Variants in ADCY7 observed in about 807,000 individuals in gnomAD.
ADCY7 encodes the protein adenylate cyclase type 7.
ADCY7 carries 72 observed loss-of-function variants against 120.6 expected under a neutral mutation model. The observed-to-expected ratio is 0.60, with a 90% CI of 0.49 to 0.73. The LOEUF (loss-of-function observed/expected upper bound fraction) is 0.73. Among genes scored for constraint, ADCY7 ranks in the 30% least tolerant of loss-of-function variants. ADCY7 has a pLI of 0.00. For missense variants in ADCY7, 1,227 were observed against 1,486.0 expected (o/e 0.83, Z 2.87); for synonymous variants, 661 against 628.0 (o/e 1.05, Z -0.78).
chr16:50,304,807 G>A (rs1425122831), intron 11 of ADCY7, 118 bp from the exon 12 acceptor site: 17 of 1,406,830 alleles, frequency 1.2e-5, no homozygotes, highest in East Asian at 9.2e-5. Flanking sequence ...TGGCTTGGAC[G>A]ACCCCGACAC....
At chr16:50,306,802 G>A (rs2036096184) in intron 14 of ADCY7, among the ~76,000 whole-genome samples, 1 of 152,174 alleles carries the variant, frequency 6.6e-6, no homozygotes, top group African/African-American at 2.4e-5. Context: ...ACATCACCTG[G>A]AACTGAAGGA....
At chr16:50,314,188 C>G in intron 23 of ADCY7, 104 bp from the exon 24 acceptor site, 2 of 1,421,242 alleles carry the variant, frequency 1.4e-6, no homozygotes, top group Non-Finnish European at 2.0e-6. Flanking sequence ...AGGGCTCAGC[C>G]AGGATTTTAG....
At chr16:50,252,726 T>A (rs1380482387) in intron 1 of ADCY7, among the ~76,000 whole-genome samples, 1 of 152,220 alleles carries the variant, frequency 6.6e-6, no homozygotes, top group Non-Finnish European at 1.5e-5. Flanking sequence ...CCTCCTGGGC[T>A]AAGGCTCTGG....
rs888175774 is a variant in ADCY7 at position 50,281,701 on chromosome 16, G to A, written c.-268-6211G>A. Reference sequence around the variant, plus strand: ...AGGTGCCTGGGAGAGCAGGGCATGGGGGCCACAGGGCTCTGGGGACAGAGA... The same window carrying A: ...AGGTGCCTGGGAGAGCAGGGCATGGAGGCCACAGGGCTCTGGGGACAGAGA... On this transcript the variant is annotated intron_variant, in intron 1 of 25. Transcript: ENST00000673801. Among the ~76,000 whole-genome samples the A allele has an allele frequency of 3.3e-5, 5 of 152,192 alleles. No individual in the cohort carries two copies. In the South Asian group the frequency reaches 8.3e-4, roughly 25 times the overall value.
intron 1 of ADCY7, among the ~76,000 whole-genome samples, chr16:50,274,742 C>G (rs761871515): frequency 6.6e-6 from 1 of 152,090 alleles, no homozygotes; most frequent in Non-Finnish European, 1.5e-5. Flanking sequence ...ATGGGTGGCA[C>G]GCTGAGCTCT....
intron 1 of ADCY7, among the ~76,000 whole-genome samples, chr16:50,280,957 C>T (rs1459373657): frequency 3.3e-5 from 5 of 152,082 alleles, no homozygotes; most frequent in African/African-American, 4.8e-5. Flanking sequence ...ACAAAGTCAG[C>T]CTGGGGGTGC....
intron 1 of ADCY7, among the ~76,000 whole-genome samples, chr16:50,279,006 G>A (rs930561020): frequency 2.0e-5 from 3 of 151,988 alleles, no homozygotes; most frequent in Non-Finnish European, 4.4e-5. Context: ...CGAGTAGCTG[G>A]GACTATAGGC....
At chr16:50,312,799 T>G in intron 21 of ADCY7, 91 bp from the exon 22 acceptor site, 28 of 1,173,338 alleles carry the variant, frequency 2.4e-5, no homozygotes, top group Non-Finnish European at 2.7e-5. Context: ...GGCTGGGCAG[T>G]TCAGCAGTGC....
At chr16:50,307,211 A>T in intron 15 of ADCY7, 64 bp downstream of exon 15, 5 of 1,500,128 alleles carry the variant, frequency 3.3e-6, no homozygotes, top group Non-Finnish European at 4.6e-6. Context: ...GGTGACTATG[A>T]ACCTGCAAGG....
intron 1 of ADCY7, among the ~76,000 whole-genome samples, chr16:50,277,024 C>T (rs2033939645): frequency 6.6e-6 from 1 of 152,204 alleles, no homozygotes; most frequent in African/African-American, 2.4e-5. Flanking sequence ...GATTTATCCA[C>T]TCTGTGAAAT....
At chr16:50,306,131 G>T (rs2036049714) in intron 14 of ADCY7, among the ~76,000 whole-genome samples, 1 of 152,258 alleles carries the variant, frequency 6.6e-6, no homozygotes, top group Admixed American at 6.5e-5. Context: ...AGCCTTAGCA[G>T]ATCCTGGCAT....
At chr16:50,246,134 T>C (rs1233599285), upstream of ADCY7, 1 of 149,224 alleles carries the variant, frequency 6.7e-6, no homozygotes, top group Non-Finnish European at 1.5e-5. Context: ...CCGCCCGCGG[T>C]GAGTGCCGGG....
rs756662579 is a variant in ADCY7 at position 50,311,711 on chromosome 16, C to G, written c.2373C>G (p.Ser791=). Reference sequence around the variant, plus strand: ...CATTCAGTGGCACCCCTAGCTGTTCCTGGAAGGACCTGAAGACCATGACCA... The same window carrying G: ...CATTCAGTGGCACCCCTAGCTGTTCGTGGAAGGACCTGAAGACCATGACCA... The part of the protein sequence containing the change: ...NGTTSGTPSC[S]WKDLKTMTNF... Residue 791 remains serine (S), a synonymous_variant, in exon 20 of 26, where the codon TCC becomes TCG. Coordinates refer to ENST00000673801, the MANE Select transcript of ADCY7 (RefSeq NM_001114.5). 5 of 1,613,088 alleles carry G rather than the reference C, an allele frequency of 3.1e-6. No homozygotes were observed. The South Asian group carries it at 4.4e-5, about 14-fold the overall frequency.
chr16:50,285,070 C>T (rs1350300557), intron 1 of ADCY7, among the ~76,000 whole-genome samples: 2 of 152,246 alleles, frequency 1.3e-5, no homozygotes, highest in African/African-American at 4.8e-5. Context: ...TTGTGGAATA[C>T]AGACTGATTA....
At chr16:50,311,296 C>T (rs2151086149) in intron 19 of ADCY7, among the ~76,000 whole-genome samples, 1 of 152,168 alleles carries the variant, frequency 6.6e-6, no homozygotes, top group South Asian at 2.1e-4. Flanking sequence ...CGGACCTGGC[C>T]CCCCTAAACA....
intron 2 of ADCY7, among the ~76,000 whole-genome samples, chr16:50,289,628 G>T (rs2034814930): frequency 6.6e-6 from 1 of 152,132 alleles, no homozygotes; most frequent in Non-Finnish European, 1.5e-5. Flanking sequence ...ACCACGCCTG[G>T]CTAATTTTTG....
chr16:50,246,058 C>A (rs1484677500), upstream of ADCY7: 12 of 150,664 alleles, frequency 8.0e-5, no homozygotes, highest in East Asian at 2.1e-3. Context: ...GCCCCGGCTC[C>A]CGCCCCCGCG....
At chr16:50,309,813 C>G (rs1454914842) in intron 18 of ADCY7, among the ~76,000 whole-genome samples, 167 bp downstream of exon 18, 3 of 152,230 alleles carry the variant, frequency 2.0e-5, no homozygotes, top group Admixed American at 2.0e-4. Flanking sequence ...CCCATGGGCC[C>G]AGCTGGCCTC....
chr16:50,249,626 G>C (rs144205176), intron 1 of ADCY7, among the ~76,000 whole-genome samples: 74 of 152,364 alleles, frequency 4.9e-4, no homozygotes, highest in Non-Finnish European at 9.1e-4. Flanking sequence ...TACTGTAAGG[G>C]GAGAACATGG....
Sources: allele counts gnomAD v4.1 joint callset (sites outside exome capture counted in the v4.1 genomes callset), GRCh38; gene constraint gnomAD v4.1.1; transcripts MANE v1.5; gene names NCBI Gene and HGNC (gene_info 2026-07-23, HGNC 2026-07-21).